The following GABRA2 variants were observed in gnomAD, a reference collection of about 807,000 sequenced individuals.
GABRA2 encodes the protein gamma-aminobutyric acid receptor subunit alpha-2.
In GABRA2, 16 loss-of-function variants were observed where a neutral mutation model predicts 48.7. That is an observed-to-expected ratio of 0.33 (90% confidence interval 0.22 to 0.50). The LOEUF is 0.50. GABRA2 is among the 20% of genes least tolerant of loss of function. The pLI is 0.98. For missense variants in GABRA2, 275 were observed against 535.6 expected (o/e 0.51, Z 4.80); for synonymous variants, 185 against 184.5 (o/e 1.00, Z -0.02).
rs1359386714 is a variant in GABRA2 at position 46,247,242 on chromosome 4, T to G, written c.*3066A>C. On this transcript the variant is annotated 3_prime_UTR_variant, in exon 10 of 10. Coordinates refer to ENST00000381620, the MANE Select transcript of GABRA2 (RefSeq NM_000807.4). ...ATATTAAATGGTTATATTTCTTCCA[T>G]TTTATAATCAAACACATGGGAACAT... is the stretch of plus-strand genomic sequence containing the variant. Among the ~76,000 whole-genome samples the G allele has an allele frequency of 6.6e-6, 1 of 151,202 alleles. No individual in the cohort carries two copies. The highest frequency in any genetic ancestry group is 1.5e-5 in the Non-Finnish European group (1 of 67,484).
intron 8 of GABRA2, among the ~76,000 whole-genome samples, chr4:46,276,938 G>C (rs1720625119): frequency 6.6e-6 from 1 of 152,052 alleles, no homozygotes; most frequent in South Asian, 2.1e-4. Flanking sequence ...GGAAGTAGGA[G>C]TGGGTTTCCT....
At chr4:46,298,619 G>T (rs1725181024) in intron 8 of GABRA2, among the ~76,000 whole-genome samples, 3 of 152,020 alleles carry the variant, frequency 2.0e-5, no homozygotes, top group Admixed American at 1.3e-4. Flanking sequence ...CACTTAGAAT[G>T]TCCCAGGCTC....
intron 4 of GABRA2, among the ~76,000 whole-genome samples, chr4:46,316,722 TAATA>T (rs1017378022): frequency 5.9e-5 from 9 of 152,122 alleles, no homozygotes; most frequent in African/African-American, 1.7e-4. Flanking sequence ...TGTTAATTAG[TAATA>T]AATAATATAT....
At chr4:46,301,518 CA>C (rs1211685292) in intron 8 of GABRA2, among the ~76,000 whole-genome samples, 8 of 152,238 alleles carry the variant, frequency 5.3e-5, no homozygotes, top group African/African-American at 1.4e-4. Context: ...TCTCCACTGC[CA>C]CTGAAACAGC....
chr4:46,360,287 C>T (rs1712959292), intron 3 of GABRA2, among the ~76,000 whole-genome samples: 1 of 152,152 alleles, frequency 6.6e-6, no homozygotes, highest in African/African-American at 2.4e-5. Context: ...AATTGTAACT[C>T]CCATAATTCC....
chr4:46,304,236 C>A (rs1726244045), intron 7 of GABRA2, among the ~76,000 whole-genome samples: 1 of 152,158 alleles, frequency 6.6e-6, no homozygotes, highest in Admixed American at 6.5e-5. Flanking sequence ...TCAGTGCTCT[C>A]TGGCTCCAAA....
intron 8 of GABRA2, among the ~76,000 whole-genome samples, chr4:46,276,102 C>T (rs571698989): frequency 4.8e-4 from 73 of 151,864 alleles, no homozygotes; most frequent in African/African-American, 1.7e-3. Flanking sequence ...ATAATCAAAT[C>T]CAAAGAAAAC....
At chr4:46,264,363 G>C (rs1478312269) in intron 8 of GABRA2, among the ~76,000 whole-genome samples, 1 of 152,056 alleles carries the variant, frequency 6.6e-6, no homozygotes, top group Non-Finnish European at 1.5e-5. Context: ...ACGTTGAATA[G>C]AATTGGTGAG....
intron 3 of GABRA2, chr4:46,364,079 C>T (rs577116385): frequency 2.7e-4 from 41 of 152,284 alleles, no homozygotes; most frequent in African/African-American, 9.6e-4. Context: ...TTATCATCTT[C>T]ATGAAGTATC....
chr4:46,317,097 G>A (rs1578025453), intron 4 of GABRA2, among the ~76,000 whole-genome samples: 1 of 151,886 alleles, frequency 6.6e-6, no homozygotes, highest in African/African-American at 2.4e-5. Flanking sequence ...TTTCATCATT[G>A]CAACTGAACA....
At chr4:46,291,436 C>T (rs1245934885) in intron 8 of GABRA2, among the ~76,000 whole-genome samples, 1 of 151,996 alleles carries the variant, frequency 6.6e-6, no homozygotes, top group Non-Finnish European at 1.5e-5. Context: ...AAGTATTGAT[C>T]CTGGGTGCGT....
chr4:46,388,722 C>T lies in GABRA2; in HGVS notation c.-10-6G>A, dbSNP rs1182312658. ...TTGTCTTCATCACCGCCGCTCTTTA[C>T]AAAGCCATGGAATGAAAAACAAAAT... On this transcript the variant is annotated splice_region_variant and splice_polypyrimidine_tract_variant and intron_variant, in intron 1 of 9. Coordinates refer to ENST00000381620, the MANE Select transcript of GABRA2 (RefSeq NM_000807.4). The T allele has an allele frequency of 1.6e-5, 26 of 1,613,752 alleles. No individual in the cohort carries two copies. The Admixed American group carries it at 4.0e-4, about 25-fold the overall frequency.
intron 4 of GABRA2, among the ~76,000 whole-genome samples, chr4:46,329,142 T>C (rs1005439616): frequency 6.6e-6 from 1 of 152,104 alleles, no homozygotes; most frequent in African/African-American, 2.4e-5. Context: ...AGTTTACATC[T>C]TCCCTGTATT....
At chr4:46,314,449 T>C (rs931307698) in intron 4 of GABRA2, among the ~76,000 whole-genome samples, 3 of 152,122 alleles carry the variant, frequency 2.0e-5, no homozygotes, top group Non-Finnish European at 4.4e-5. Context: ...AGTGATTTTT[T>C]GTACATTTTA....
At chr4:46,367,608 G>T (rs891162751) in intron 3 of GABRA2, 2 of 152,092 alleles carry the variant, frequency 1.3e-5, no homozygotes, top group East Asian at 1.9e-4. Flanking sequence ...ACCAAGAAAA[G>T]AGAAGGTACA....
intron 6 of GABRA2, among the ~76,000 whole-genome samples, chr4:46,309,111 CT>C (rs1727191616): frequency 1.3e-5 from 2 of 151,956 alleles, no homozygotes; most frequent in South Asian, 2.1e-4. Context: ...TAAAAGAAGC[CT>C]TTGTAGTTAA....
At position 46,255,083 on chromosome 4, in the gene GABRA2, G is replaced by A. The variant is rs150882092; in HGVS notation, c.1060-4479C>T. ...GGACCCTGGAGCTTGCCTCTATAAT[G>A]AAACATGTATGTATCTTTTTCACTT... On this transcript the variant is annotated intron_variant, in intron 9 of 9. Coordinates refer to ENST00000381620, the MANE Select transcript of GABRA2 (RefSeq NM_000807.4). Among the ~76,000 whole-genome samples the A allele has an allele frequency of 3.6e-4, 54 of 151,566 alleles. No individual in the cohort carries two copies. The Middle Eastern group carries it at 0.014, about 38-fold the overall frequency.
intron 3 of GABRA2, among the ~76,000 whole-genome samples, chr4:46,351,559 C>T (rs1735130840): frequency 6.6e-6 from 1 of 151,534 alleles, no homozygotes; most frequent in South Asian, 2.1e-4. Flanking sequence ...ACAGTTCCCA[C>T]CAAAAAAGTA....
chr4:46,259,173 A>C (rs1716445498), intron 9 of GABRA2, among the ~76,000 whole-genome samples: 1 of 151,906 alleles, frequency 6.6e-6, no homozygotes, highest in East Asian at 1.9e-4. Context: ...GATCCAATCA[A>C]GAGCTAGGAT....
Sources: allele counts gnomAD v4.1 joint callset (sites outside exome capture counted in the v4.1 genomes callset), GRCh38; gene constraint gnomAD v4.1.1; transcripts MANE v1.5; gene names NCBI Gene and HGNC (gene_info 2026-07-23, HGNC 2026-07-21).